PRORP: variants seen among roughly 807,000 people sequenced by gnomAD.
The protein encoded by PRORP is mitochondrial ribonuclease P catalytic subunit.
In PRORP, 51 loss-of-function variants were observed where a neutral mutation model predicts 59.4. The observed-to-expected ratio is 0.86, with a 90% CI of 0.69 to 1.08. The LOEUF is 1.08. Among genes scored for constraint, PRORP ranks in the 50% least tolerant of loss-of-function variants. PRORP has a pLI of 0.00. For synonymous variants in PRORP, 231 were observed against 245.6 expected, an observed-to-expected ratio of 0.94 and a Z score of 0.55; for missense variants, 646 against 690.3, an observed-to-expected ratio of 0.94 and a Z score of 0.72.
intron 5 of PRORP, among the ~76,000 whole-genome samples, chr14:35,181,245 A>G (rs933453852): frequency 5.3e-5 from 8 of 152,068 alleles, no homozygotes; most frequent in African/African-American, 1.9e-4. Flanking sequence ...TATGGTAGCC[A>G]TTTGTTAATT....
chr14:35,150,430 A>G (rs2047716798), intron 4 of PRORP, among the ~76,000 whole-genome samples: 1 of 152,216 alleles, frequency 6.6e-6, no homozygotes, highest in African/African-American at 2.4e-5. Flanking sequence ...CCCTAAAACA[A>G]TTACCATTCA....
At chr14:35,158,368 A>G (rs1566464525) in intron 4 of PRORP, 4 of 299,448 alleles carry the variant, frequency 1.3e-5, no homozygotes, top group Non-Finnish European at 1.3e-5. Flanking sequence ...CAACTTTACC[A>G]ACACCCCAAG....
At chr14:35,132,059 G>A (rs1193124589) in intron 4 of PRORP, among the ~76,000 whole-genome samples, 1 of 151,630 alleles carries the variant, frequency 6.6e-6, no homozygotes, top group Admixed American at 6.6e-5. Context: ...GGCTGGTCTC[G>A]AACTCCTGAC....
intron 5 of PRORP, among the ~76,000 whole-genome samples, chr14:35,226,631 A>G (rs959851453): frequency 6.6e-6 from 1 of 152,214 alleles, no homozygotes; most frequent in African/African-American, 2.4e-5. Flanking sequence ...TTGTTCTATT[A>G]CCAAACTTGT....
intron 4 of PRORP, among the ~76,000 whole-genome samples, chr14:35,137,161 T>A (rs1175032944): frequency 6.9e-6 from 1 of 145,494 alleles, no homozygotes; most frequent in African/African-American, 2.4e-5. Flanking sequence ...GAAGTTTACA[T>A]GAAAATTAGA....
intron 4 of PRORP, among the ~76,000 whole-genome samples, chr14:35,152,061 T>C (rs2047768861): frequency 6.6e-6 from 1 of 152,044 alleles, no homozygotes; most frequent in Non-Finnish European, 1.5e-5. Flanking sequence ...CCGGTTTTCC[T>C]AGGCAGAGGA....
At chr14:35,253,404 G>A (rs2050667656) in intron 5 of PRORP, among the ~76,000 whole-genome samples, 1 of 135,014 alleles carries the variant, frequency 7.4e-6, no homozygotes, top group South Asian at 2.3e-4. Context: ...AAGAAAGAAG[G>A]AAAGAAAGAA....
intron 5 of PRORP, among the ~76,000 whole-genome samples, chr14:35,247,947 G>A (rs1022051056): frequency 3.3e-5 from 5 of 152,116 alleles, no homozygotes; most frequent in Non-Finnish European, 7.4e-5. Flanking sequence ...CTAGGCCAAC[G>A]ATTTAATAGT....
intron 4 of PRORP, among the ~76,000 whole-genome samples, chr14:35,178,145 G>A (rs946827891): frequency 6.6e-6 from 1 of 152,132 alleles, no homozygotes; most frequent in Non-Finnish European, 1.5e-5. Flanking sequence ...CATTTGCTGA[G>A]GAGTGCTTTA....
At chr14:35,170,600 C>A (rs2048291001) in intron 4 of PRORP, among the ~76,000 whole-genome samples, 1 of 152,036 alleles carries the variant, frequency 6.6e-6, no homozygotes. Flanking sequence ...TTTATTGTAG[C>A]TTAAAACATA....
intron 5 of PRORP, among the ~76,000 whole-genome samples, chr14:35,253,416 AAAAG>A (rs1476406471): frequency 2.3e-5 from 2 of 86,438 alleles, no homozygotes; most frequent in African/African-American, 8.5e-5. Flanking sequence ...AAGAAAGAAA[AAAAG>A]AAAAGAAAAA....
intron 5 of PRORP, among the ~76,000 whole-genome samples, chr14:35,248,386 G>C (rs568043569): frequency 3.8e-4 from 58 of 152,290 alleles, no homozygotes; most frequent in African/African-American, 1.4e-3. Context: ...ACCAGACTTA[G>C]AAAGCTTGCA....
intron 4 of PRORP, among the ~76,000 whole-genome samples, chr14:35,175,459 A>G (rs1053669068): frequency 5.4e-4 from 82 of 152,068 alleles, no homozygotes; most frequent in Admixed American, 1.0e-3. Context: ...ATGGTATCTC[A>G]TTGTGGTTTT....
chr14:35,272,568 T>C (rs2051220412), intron 7 of PRORP, among the ~76,000 whole-genome samples: 1 of 152,192 alleles, frequency 6.6e-6, no homozygotes, highest in Admixed American at 6.5e-5. Flanking sequence ...ATAATAAAGG[T>C]ATAAAGGTAT....
intron 5 of PRORP, among the ~76,000 whole-genome samples, chr14:35,187,428 G>GTT (rs34808330): frequency 0.19 from 26,305 of 138,968 alleles, 3,253 homozygotes; most frequent in East Asian, 0.32. Context: ...TAGTTTCTTT[G>GTT]TTTTTTTTTT....
chr14:35,203,382 G>A (rs1330977129), intron 5 of PRORP, among the ~76,000 whole-genome samples: 2 of 152,024 alleles, frequency 1.3e-5, no homozygotes, highest in Non-Finnish European at 2.9e-5. Context: ...GGAAAAATTA[G>A]CCGGTGTGGT....
chr14:35,129,400 C>T (rs1016034619), intron 4 of PRORP, among the ~76,000 whole-genome samples: 3 of 151,580 alleles, frequency 2.0e-5, no homozygotes, highest in Non-Finnish European at 4.4e-5. Flanking sequence ...TTCCTTTCTT[C>T]CCTTTAGTGA....
chr14:35,240,215 A>G (rs2050326387), intron 5 of PRORP, among the ~76,000 whole-genome samples: 1 of 151,884 alleles, frequency 6.6e-6, no homozygotes, highest in Non-Finnish European at 1.5e-5. Flanking sequence ...TGCATTCTGC[A>G]TATACACATT....
Position 35,256,326 on chromosome 14 carries a change from C to CTTTTTT in PRORP, c.1276-10383_1276-10378dup, listed in dbSNP as rs1178856754. On this transcript the variant is annotated intron_variant, in intron 5 of 7. Coordinates refer to ENST00000534898, the MANE Select transcript of PRORP (RefSeq NM_014672.4). Reference sequence around the variant, plus strand: ...AAAAGAAAAAAGAAATTGTGCGTATCTTTTTTTTTTTTTTTTTTTTTTTAA... The same window carrying CTTTTTT: ...AAAAGAAAAAAGAAATTGTGCGTATCTTTTTTTTTTTTTTTTTTTTTTTTTTTTTAA... Among the ~76,000 whole-genome samples, 26 of 82,812 alleles carry CTTTTTT rather than the reference C, an allele frequency of 3.1e-4. 4 individuals carry two copies. The highest frequency in any genetic ancestry group is 1.1e-3 in the African/African-American group (20 of 18,346). 54.3% of individuals were successfully genotyped at this position (82,812 alleles called of 152,430 possible).
Sources: allele counts gnomAD v4.1 joint callset (sites outside exome capture counted in the v4.1 genomes callset), GRCh38; gene constraint gnomAD v4.1.1; transcripts MANE v1.5; gene names NCBI Gene and HGNC (gene_info 2026-07-23, HGNC 2026-07-21).